ITPR1: variants seen among roughly 807,000 people sequenced by gnomAD.
The protein encoded by ITPR1 is inositol 1,4,5-trisphosphate-gated calcium channel ITPR1.
In ITPR1, 96 loss-of-function variants were observed where a neutral mutation model predicts 318.4. The ratio of observed to expected loss-of-function variants is 0.30; its 90% CI spans 0.26 to 0.36. The LOEUF (loss-of-function observed/expected upper bound fraction) is 0.36. Ranked by LOEUF, ITPR1 falls within the 10% of genes least tolerant of loss-of-function variation. ITPR1 has a pLI of 1.00. For synonymous variants in ITPR1, 1,312 were observed against 1,289.9 expected (o/e 1.02, Z -0.37); for missense variants, 2,440 against 3,460.2 (o/e 0.71, Z 7.40).
At chr3:4,654,171 A>G (rs1410462648) in intron 12 of ITPR1, among the ~76,000 whole-genome samples, 1 of 152,178 alleles carries the variant, frequency 6.6e-6, no homozygotes, top group Non-Finnish European at 1.5e-5. Flanking sequence ...GAAGACTCCT[A>G]GGGTTGGAGA....
Position 4,846,782 on chromosome 3 carries a change from T to C in ITPR1, c.*557T>C, listed in dbSNP as rs1327734649. 1 of 152,656 alleles carries C rather than the reference T, an allele frequency of 6.6e-6. No individual in the cohort carries two copies. Among genetic ancestry groups the C allele is most frequent in the Non-Finnish European group, 1.5e-5 (1 of 68,044 alleles). The allele number at this position is 152,656 out of a possible 1,614,324, so 9.5% of individuals were successfully genotyped here. A position where few individuals can be genotyped will look rare whatever the true frequency, so the allele number is the denominator to read the frequency against. ...TGTAATTATCCTCTGGTGATGCTGT[T>C]TCTCGTTAGTGGCAGTAGTGCCTCC... On this transcript the variant is annotated 3_prime_UTR_variant, in exon 62 of 62. Transcript: ENST00000649015.
intron 2 of ITPR1, among the ~76,000 whole-genome samples, chr3:4,502,346 C>T (rs919330662): frequency 6.6e-6 from 1 of 152,104 alleles, no homozygotes; most frequent in African/African-American, 2.4e-5. Context: ...ATAAGAATAC[C>T]TGGCACACAG....
chr3:4,635,121 G>A (rs1436933297), intron 5 of ITPR1, among the ~76,000 whole-genome samples: 5 of 152,182 alleles, frequency 3.3e-5, no homozygotes, highest in African/African-American at 4.8e-5. Flanking sequence ...GCCTCTATGG[G>A]CAGACGTTAG....
At position 4,814,284 on chromosome 3, in the gene ITPR1, G is replaced by T. The variant is rs376784187; in HGVS notation, c.7562-139G>T. 6 of 958,378 alleles carry T rather than the reference G, an allele frequency of 6.3e-6. No individual in the cohort carries two copies. In the African/African-American group the frequency reaches 9.9e-5, roughly 16 times the overall value. The allele number at this position is 958,378 out of a possible 1,614,324, so 59.4% of individuals were successfully genotyped here. A position where few individuals can be genotyped will look rare whatever the true frequency, so the allele number is the denominator to read the frequency against. ...GACTTTAGCTTTTGAAAGAAAATAAGAAAATTCTTGGCTCTTGATTCCTTA... is the reference window on the plus strand; with the variant it reads ...GACTTTAGCTTTTGAAAGAAAATAATAAAATTCTTGGCTCTTGATTCCTTA... On this transcript the variant is annotated intron_variant, in intron 57 of 61. Coordinates refer to ENST00000649015, the MANE Select transcript of ITPR1 (RefSeq NM_001378452.1).
chr3:4,660,960 C>A (rs1224394198), intron 13 of ITPR1, 28 bp from the exon 14 acceptor site: 1 of 1,224,816 alleles, frequency 8.2e-7, no homozygotes, highest in Non-Finnish European at 1.2e-6. Context: ...TATTTATTTC[C>A]CTAAAACCCT....
Position 4,782,721 on chromosome 3 carries a change from A to G in ITPR1, c.6490A>G (p.Ile2164Val). Residue 2164 changes from isoleucine (I) to valine (V), a missense_variant, in exon 50 of 62, where the codon ATC becomes GTC. Coordinates refer to ENST00000649015, the MANE Select transcript of ITPR1 (RefSeq NM_001378452.1). ...GTCCCCCAGGAACGTGGGGCACAACATCTACATATTAGCCCATCAGGTATG... is the reference window on the plus strand; with the variant it reads ...GTCCCCCAGGAACGTGGGGCACAACGTCTACATATTAGCCCATCAGGTATG... ...AASPRNVGHN[I>V]YILAHQLARH... 1.3e-6 allele frequency: 2 copies of G among 1,581,296 alleles called. No individual in the cohort carries two copies. Among genetic ancestry groups the G allele is most frequent in the Non-Finnish European group, 1.7e-6 (2 of 1,163,198 alleles).
intron 60 of ITPR1, among the ~76,000 whole-genome samples, chr3:4,833,920 GTCTT>G (rs1391365969): frequency 5.9e-5 from 9 of 152,148 alleles, no homozygotes; most frequent in African/African-American, 2.2e-4. Flanking sequence ...TTTTCAGAGA[GTCTT>G]TCTGTCACCC....
intron 30 of ITPR1, among the ~76,000 whole-genome samples, chr3:4,686,487 A>G (rs1490463334): frequency 6.6e-6 from 1 of 152,224 alleles, no homozygotes; most frequent in East Asian, 1.9e-4. Context: ...CGAGGGGGTC[A>G]TTTGCTAACC....
chr3:4,640,719 G>GT (rs2125150902), intron 6 of ITPR1, among the ~76,000 whole-genome samples: 1 of 152,362 alleles, frequency 6.6e-6, no homozygotes, highest in African/African-American at 2.4e-5. Context: ...AATGGAAATG[G>GT]TAATGGCATC....
chr3:4,635,304 G>A (rs1034250434), intron 5 of ITPR1, among the ~76,000 whole-genome samples: 2 of 152,208 alleles, frequency 1.3e-5, no homozygotes, highest in African/African-American at 4.8e-5. Flanking sequence ...GTATCCTTTA[G>A]AAAGGTGCTA....
chr3:4,654,376 T>C (rs1277754346), intron 12 of ITPR1, among the ~76,000 whole-genome samples: 2 of 152,206 alleles, frequency 1.3e-5, no homozygotes, highest in South Asian at 2.1e-4. Flanking sequence ...GTCCTTGATT[T>C]CTGCAAGGTC....
intron 4 of ITPR1, among the ~76,000 whole-genome samples, chr3:4,544,371 A>T (rs2084761766): frequency 1.3e-5 from 2 of 152,236 alleles, no homozygotes; most frequent in Non-Finnish European, 1.5e-5. Flanking sequence ...AACTATCCAC[A>T]GGAGCAAGTA....
At chr3:4,714,299 G>A (rs1274296991) in intron 39 of ITPR1, among the ~76,000 whole-genome samples, 1 of 151,896 alleles carries the variant, frequency 6.6e-6, no homozygotes, top group Non-Finnish European at 1.5e-5. Flanking sequence ...TGCTGAGGAC[G>A]ACACCACGGT....
chr3:4,728,251 C>T (rs757825059), intron 42 of ITPR1, among the ~76,000 whole-genome samples: 11 of 152,184 alleles, frequency 7.2e-5, no homozygotes, highest in Non-Finnish European at 1.6e-4. Context: ...AGCATGCTGA[C>T]AGCACTGATT....
intron 30 of ITPR1, among the ~76,000 whole-genome samples, chr3:4,686,970 G>T (rs954939444): frequency 1.1e-4 from 16 of 152,158 alleles, no homozygotes; most frequent in Admixed American, 8.5e-4. Flanking sequence ...TGTTGTCCTG[G>T]GACTTGCTAT....
intron 4 of ITPR1, among the ~76,000 whole-genome samples, chr3:4,536,012 G>A (rs1575448202): frequency 6.6e-6 from 1 of 152,182 alleles, no homozygotes; most frequent in Non-Finnish European, 1.5e-5. Context: ...CATCAATATT[G>A]TGTGAACTTA....
At chr3:4,683,324 A>G in intron 26 of ITPR1, 62 bp from the exon 27 acceptor site, 4 of 1,575,838 alleles carry the variant, frequency 2.5e-6, no homozygotes, top group Non-Finnish European at 3.5e-6. Flanking sequence ...ATCTGGGCCC[A>G]AGGGGCGTGA....
intron 44 of ITPR1, among the ~76,000 whole-genome samples, chr3:4,758,725 A>G (rs2045210434): frequency 6.6e-6 from 1 of 152,214 alleles, no homozygotes; most frequent in Admixed American, 6.5e-5. Context: ...ACACCTGGCT[A>G]GGCAGAGCGT....
chr3:4,694,724 T>C (rs545302511), intron 33 of ITPR1, among the ~76,000 whole-genome samples: 4 of 152,318 alleles, frequency 2.6e-5, no homozygotes, highest in East Asian at 3.9e-4. Context: ...CCAGTAAAAA[T>C]TGGGTATTAT....
Sources: gnomAD v4.1 joint callset for allele counts (sites outside exome capture counted in the v4.1 genomes callset) on GRCh38, gnomAD v4.1.1 for gene constraint, MANE v1.5 for transcripts, NCBI Gene and HGNC (gene_info 2026-07-23, HGNC 2026-07-21) for gene names.